The following ADGRV1 variants were observed in gnomAD, a reference collection of about 807,000 sequenced individuals.
The protein encoded by ADGRV1 is G-protein coupled receptor 98.
ADGRV1 carries 359 observed loss-of-function variants against 596.2 expected under a neutral mutation model. That is an observed-to-expected ratio of 0.60 (90% CI 0.55 to 0.66). ADGRV1 has a LOEUF of 0.66. ADGRV1 is among the 30% of genes least tolerant of loss of function. The probability of loss-of-function intolerance (pLI) is 0.00; values close to 1 mark genes in which losing one functional copy is unlikely to be tolerated. For missense variants in ADGRV1, 7,274 were observed against 7,575.6 expected, an observed-to-expected ratio of 0.96 and a Z score of 1.48; for synonymous variants, 2,681 against 2,679.2, an observed-to-expected ratio of 1.00 and a Z score of -0.02.
chr5:90,803,411 G>A (rs142840913), intron 71 of ADGRV1, among the ~76,000 whole-genome samples: 11 of 152,262 alleles, frequency 7.2e-5, no homozygotes, highest in South Asian at 2.1e-4. Context: ...CCTTTCAGGC[G>A]GATTCTGTCA....
rs961889092 is a variant in ADGRV1 at position 90,694,635 on chromosome 5, G to T, written c.7879G>T (p.Val2627Phe). 2 of 1,613,380 alleles carry T rather than the reference G, an allele frequency of 1.2e-6. No individual in the cohort carries two copies. The highest frequency in any genetic ancestry group is 2.7e-5 in the African/African-American group (2 of 74,894). ...LGQVAVEWRV[V>F]GGTATEGLDF... Reference sequence around the variant, plus strand: ...TCAAGTGGCAGTCGAATGGCGTGTTGTTGGTGGAACAGCTACTGAAGGTTT... The same window carrying T: ...TCAAGTGGCAGTCGAATGGCGTGTTTTTGGTGGAACAGCTACTGAAGGTTT... The change falls in exon 33 of 90, where the codon GTT (valine) becomes TTT (phenylalanine). Residue 2627 changes from valine (V) to phenylalanine (F), a missense_variant. Transcript: ENST00000405460.
intron 83 of ADGRV1, among the ~76,000 whole-genome samples, chr5:90,885,747 G>C (rs1380459303): frequency 6.6e-6 from 1 of 152,112 alleles, no homozygotes. Context: ...ATTGGTTAGA[G>C]GAAGAGATAG....
chr5:91,036,000 G>C (rs1244198025), intron 85 of ADGRV1, among the ~76,000 whole-genome samples: 6 of 150,730 alleles, frequency 4.0e-5, no homozygotes, highest in African/African-American at 1.5e-4. Context: ...TGACAGATGA[G>C]GGTTTTAGAT....
intron 85 of ADGRV1, among the ~76,000 whole-genome samples, chr5:91,028,071 A>G (rs1371648481): frequency 2.7e-5 from 4 of 150,122 alleles, no homozygotes; most frequent in Non-Finnish European, 5.9e-5. Context: ...AAATCAATGA[A>G]TGGCTGAACT....
At chr5:90,621,443 T>G (rs1464369707) in intron 4 of ADGRV1, among the ~76,000 whole-genome samples, 1 of 152,210 alleles carries the variant, frequency 6.6e-6, no homozygotes, top group East Asian at 1.9e-4. Context: ...ATTAAGTTAA[T>G]TAATCAACCA....
intron 85 of ADGRV1, among the ~76,000 whole-genome samples, chr5:91,015,830 ACT>A: frequency 6.6e-6 from 1 of 151,928 alleles, no homozygotes; most frequent in Non-Finnish European, 1.5e-5. Flanking sequence ...CTGGTTTGCC[ACT>A]GTGCCTTTTA....
intron 85 of ADGRV1, among the ~76,000 whole-genome samples, chr5:91,005,077 TAA>T (rs796645685): frequency 6.1e-4 from 93 of 152,314 alleles, no homozygotes; most frequent in African/African-American, 2.1e-3. Context: ...ACACTAAATT[TAA>T]GTGGATATTT....
At chr5:91,014,539 G>A (rs1783021342) in intron 85 of ADGRV1, among the ~76,000 whole-genome samples, 1 of 150,656 alleles carries the variant, frequency 6.6e-6, no homozygotes, top group Non-Finnish European at 1.5e-5. Flanking sequence ...TTTTTTGGTT[G>A]GTAGGCTATT....
rs1040445575 is a variant in ADGRV1 at position 90,695,324 on chromosome 5, T to C, written c.7945+623T>C. Among the ~76,000 whole-genome samples, 3 of 152,264 alleles carry C rather than the reference T, an allele frequency of 2.0e-5. No homozygotes were observed. In the South Asian group the frequency reaches 6.2e-4, roughly 32 times the overall value. On this transcript the variant is annotated intron_variant, in intron 33 of 89. Coordinates refer to ENST00000405460, the MANE Select transcript of ADGRV1 (RefSeq NM_032119.4). ...TCAGCTAATTAGAATTAGGATCAGA[T>C]TGAGTGGTTCTTTTTCAGGACTGGT...
chr5:90,738,709 A>G (rs1420516795), intron 50 of ADGRV1, among the ~76,000 whole-genome samples: 4 of 152,064 alleles, frequency 2.6e-5, no homozygotes, highest in Admixed American at 6.6e-5. Flanking sequence ...GAATGCGACT[A>G]TATTCTCTAT....
At chr5:90,657,298 G>A (rs2149478060) in intron 20 of ADGRV1, among the ~76,000 whole-genome samples, 1 of 151,792 alleles carries the variant, frequency 6.6e-6, no homozygotes, top group Non-Finnish European at 1.5e-5. Context: ...AGCCAGGCCT[G>A]GCAGTGGACT....
At chr5:90,759,219 T>C (rs1356356818) in intron 57 of ADGRV1, among the ~76,000 whole-genome samples, 190 bp from the exon 58 acceptor site, 1 of 152,216 alleles carries the variant, frequency 6.6e-6, no homozygotes, top group Non-Finnish European at 1.5e-5. Context: ...TACACAACTT[T>C]AAAAGTATTA....
intron 70 of ADGRV1, chr5:90,792,509 CAAT>C (rs1404492478): frequency 2.0e-5 from 3 of 152,228 alleles, no homozygotes; most frequent in African/African-American, 7.2e-5. Flanking sequence ...CATTCCTGTA[CAAT>C]ATGTCCTCAG....
chr5:90,963,188 C>G (rs970728791), intron 83 of ADGRV1, among the ~76,000 whole-genome samples: 1 of 152,018 alleles, frequency 6.6e-6, no homozygotes, highest in Non-Finnish European at 1.5e-5. Flanking sequence ...AATAGATGCA[C>G]CTTTGTAAAA....
intron 86 of ADGRV1, among the ~76,000 whole-genome samples, chr5:91,088,771 T>TA (rs1790116005): frequency 6.6e-6 from 1 of 151,838 alleles, no homozygotes; most frequent in African/African-American, 2.4e-5. Context: ...ACTCTACATT[T>TA]AAAAAAGAGA....
At chr5:91,046,497 T>C (rs1476259663) in intron 85 of ADGRV1, among the ~76,000 whole-genome samples, 1 of 152,158 alleles carries the variant, frequency 6.6e-6, no homozygotes, top group Non-Finnish European at 1.5e-5. Flanking sequence ...TCTCTCACCT[T>C]ATATAGAAAT....
intron 29 of ADGRV1, among the ~76,000 whole-genome samples, chr5:90,687,283 G>T (rs1745798279): frequency 6.6e-6 from 1 of 152,134 alleles, no homozygotes; most frequent in African/African-American, 2.4e-5. Flanking sequence ...TGAAGTCCTT[G>T]CCCATGCCTA....
intron 85 of ADGRV1, among the ~76,000 whole-genome samples, chr5:91,009,195 A>G (rs904998604): frequency 1.3e-5 from 2 of 152,162 alleles, no homozygotes; most frequent in African/African-American, 2.4e-5. Flanking sequence ...TTGTATAGAT[A>G]TGAGGTCAAA....
In ADGRV1 at chr5:90,728,806, T is replaced by A; in HGVS notation, c.10299T>A (p.Leu3433=). Residue 3433 remains leucine (L), a synonymous_variant, in exon 49 of 90, where the codon CTT becomes CTA. Transcript: ENST00000405460. ...AGGCTAATGCCAGGCTAAACTCCCT[T>A]TTATTCAGATGGTCTGGCAGTGGGT... The part of the protein sequence containing the change: ...ISQANARLNS[L]LFRWSGSGFI... 1 of 1,613,984 alleles carries A rather than the reference T, an allele frequency of 6.2e-7. No homozygotes were observed.
Sources: allele counts gnomAD v4.1 joint callset (sites outside exome capture counted in the v4.1 genomes callset), GRCh38; gene constraint gnomAD v4.1.1; transcripts MANE v1.5; gene names NCBI Gene and HGNC (gene_info 2026-07-23, HGNC 2026-07-21).